ST3GAL6: variants seen among roughly 807,000 people sequenced by gnomAD.
ST3GAL6 encodes type 2 lactosamine alpha-2,3-sialyltransferase.
A neutral mutation model predicts 40.5 loss-of-function variants in ST3GAL6; 31 were observed. The ratio of observed to expected loss-of-function variants is 0.77; its 90% CI spans 0.58 to 1.03. The LOEUF is 1.03. Among genes scored for constraint, ST3GAL6 ranks in the 50% least tolerant of loss-of-function variants. ST3GAL6 has a pLI of 0.00. For synonymous variants in ST3GAL6, 129 were observed against 136.9 expected, an observed-to-expected ratio of 0.94 and a Z score of 0.40; for missense variants, 357 against 393.2, an observed-to-expected ratio of 0.91 and a Z score of 0.78.
In ST3GAL6 at chr3:98,773,973, G is replaced by A. The variant is rs758871538; in HGVS notation, c.325G>A (p.Glu109Lys). 1 of 1,612,730 alleles carries A rather than the reference G, an allele frequency of 6.2e-7. No individual in the cohort carries two copies. Among genetic ancestry groups the A allele is most frequent in the South Asian group, 1.1e-5 (1 of 90,898 alleles). ...ACTGCAGAGTTGTGATCTCTTTGAT[G>A]AGTTTGACAAGTGAGTTTATTTCCT... ...SKLQSCDLFD[E>K]FDNIPCKKCV... The change falls in exon 5 of 10, where the codon GAG (glutamate) becomes AAG (lysine). Residue 109 changes from glutamate to lysine, a missense_variant. Physicochemically the swap from Glu to Lys is moderately conservative, Grantham distance 56. Coordinates refer to ENST00000483910, the MANE Select transcript of ST3GAL6 (RefSeq NM_001323368.2).
At chr3:98,757,071 C>G (rs1937475908) in intron 1 of ST3GAL6, among the ~76,000 whole-genome samples, 1 of 152,098 alleles carries the variant, frequency 6.6e-6, no homozygotes, top group African/African-American at 2.4e-5. Flanking sequence ...ATCCTATGCA[C>G]AGATTTCAGA....
upstream of ST3GAL6, among the ~76,000 whole-genome samples, chr3:98,762,096 G>A (rs908017189): frequency 1.5e-5 from 2 of 133,908 alleles, no homozygotes; most frequent in Non-Finnish European, 3.2e-5. Context: ...GAAAGCACTG[G>A]TGAAAGCACT....
Position 98,766,490 on chromosome 3 carries a change from C to T in ST3GAL6, c.-11-1940C>T, listed in dbSNP as rs112271587. 2.1e-5 allele frequency among the ~76,000 whole-genome samples: 3 copies of T among 139,668 alleles called. No individual in the cohort carries two copies. The East Asian group carries it at 6.6e-4, about 31-fold the overall frequency. 91.6% of individuals were successfully genotyped at this position (139,668 alleles called of 152,430 possible). On this transcript the variant is annotated intron_variant, in intron 1 of 9. Transcript: ENST00000483910. ...AGGCTGGAGTGCAGTGGCGTGATCT[C>T]GGCTCACTGCAACCTCTGCCTCTTG...
intron 1 of ST3GAL6, among the ~76,000 whole-genome samples, chr3:98,741,222 AT>A (rs397968248): frequency 6.8e-4 from 100 of 146,732 alleles, no homozygotes; most frequent in Admixed American, 1.3e-3. Context: ...GAAATCTGAG[AT>A]TTTTTTTTTT....
intron 3 of ST3GAL6, among the ~76,000 whole-genome samples, chr3:98,771,934 A>G (rs1939042585): frequency 6.6e-6 from 1 of 152,134 alleles, no homozygotes; most frequent in South Asian, 2.1e-4. Flanking sequence ...TTTTACCTTT[A>G]CTACTCCAGA....
intron 5 of ST3GAL6, among the ~76,000 whole-genome samples, chr3:98,774,500 C>T (rs1939327192): frequency 6.6e-6 from 1 of 152,146 alleles, no homozygotes. Flanking sequence ...AGTTTTTAGA[C>T]AATTTTGTCA....
chr3:98,740,885 C>A (rs1213094579), intron 1 of ST3GAL6, among the ~76,000 whole-genome samples: 1 of 152,120 alleles, frequency 6.6e-6, no homozygotes, highest in Non-Finnish European at 1.5e-5. Flanking sequence ...TTTCTCAGAT[C>A]TGTTTCCTCT....
chr3:98,754,424 G>A (rs1019536975), intron 1 of ST3GAL6, among the ~76,000 whole-genome samples: 2 of 152,216 alleles, frequency 1.3e-5, no homozygotes, highest in African/African-American at 4.8e-5. Flanking sequence ...AATGAATGAG[G>A]ATTGCTTCTT....
intron 8 of ST3GAL6, among the ~76,000 whole-genome samples, chr3:98,789,649 T>C (rs1390388723): frequency 1.3e-5 from 2 of 152,222 alleles, no homozygotes; most frequent in Non-Finnish European, 2.9e-5. Flanking sequence ...GGAAGTGGAA[T>C]GCTCAAGTCA....
At chr3:98,763,312 A>G (rs183912135), upstream of ST3GAL6, 3,875 of 1,287,444 alleles carry the variant, frequency 3.0e-3, 102 homozygotes, top group African/African-American at 0.055. Flanking sequence ...TCTGTTGGCC[A>G]TGTTCCACAC....
chr3:98,783,130 A>C (rs1331090762), intron 5 of ST3GAL6: 1 of 192,780 alleles, frequency 5.2e-6, no homozygotes, highest in Non-Finnish European at 1.1e-5. Flanking sequence ...TACTGTGAAG[A>C]GCATGCCCAG....
At chr3:98,765,388 C>G (rs1938215911) in intron 1 of ST3GAL6, among the ~76,000 whole-genome samples, 1 of 152,108 alleles carries the variant, frequency 6.6e-6, no homozygotes, top group African/African-American at 2.4e-5. Flanking sequence ...CCTTATAAAC[C>G]TTCAGTTTTC....
At position 98,795,815 on chromosome 3, in the gene ST3GAL6, A is replaced by G. The variant is rs1448806790; in HGVS notation, c.*2054A>G. 1.3e-5 allele frequency: 2 copies of G among 152,202 alleles called. No homozygotes were observed. The highest frequency in any genetic ancestry group is 3.8e-4 in the East Asian group (2 of 5,198). The allele number at this position is 152,202 out of a possible 1,614,324, so 9.4% of individuals were successfully genotyped here. On this transcript the variant is annotated 3_prime_UTR_variant, in exon 10 of 10. Transcript: ENST00000483910. ...CTGCACTCTGCACATGTACCCTTAG[A>G]ATCTAAAATAAAAGTTGAAATTATT...
chr3:98,754,336 G>A (rs1036820560), intron 1 of ST3GAL6, among the ~76,000 whole-genome samples: 1 of 152,192 alleles, frequency 6.6e-6, no homozygotes, highest in Non-Finnish European at 1.5e-5. Context: ...GCAGATTGAT[G>A]GGAATAGCAA....
intron 1 of ST3GAL6, among the ~76,000 whole-genome samples, chr3:98,767,555 G>A (rs141374799): frequency 6.6e-6 from 1 of 152,348 alleles, no homozygotes; most frequent in East Asian, 1.9e-4. Flanking sequence ...CAGAGAAGCA[G>A]TGTACCTGTT....
At position 98,751,151 on chromosome 3, in the gene ST3GAL6, C is replaced by T. The variant is rs571797892; in HGVS notation, c.-11-17279C>T. On this transcript the variant is annotated intron_variant, in intron 1 of 9. Transcript: ENST00000265261. ...CTGCCTCCCAGGTTCAAGGAATTCT[C>T]CCTGCCTCAGCCTCCCGAGTAGTTG... Among the ~76,000 whole-genome samples the T allele has an allele frequency of 2.6e-4, 40 of 151,848 alleles. No homozygotes were observed. The East Asian group carries it at 7.4e-3, about 28-fold the overall frequency.
intron 5 of ST3GAL6, chr3:98,782,924 T>TGAC: frequency 9.1e-6 from 2 of 219,310 alleles, no homozygotes; most frequent in South Asian, 2.6e-5. Flanking sequence ...GTTACTCAGC[T>TGAC]CAGTCTATTA....
intron 1 of ST3GAL6, 133 bp from the exon 2 acceptor site, chr3:98,768,297 A>G (rs1261370192): frequency 4.3e-6 from 3 of 703,410 alleles, no homozygotes; most frequent in Non-Finnish European, 7.6e-6. Flanking sequence ...TTCCAAAATT[A>G]CATGCCCACA....
At chr3:98,763,063 G>A (rs1399906336), upstream of ST3GAL6, 2 of 985,276 alleles carry the variant, frequency 2.0e-6, no homozygotes, top group East Asian at 1.1e-4. Context: ...GAGGACTGAG[G>A]CCTTTCCATT....
Sources: allele counts gnomAD v4.1 joint callset (sites outside exome capture counted in the v4.1 genomes callset), GRCh38; gene constraint gnomAD v4.1.1; transcripts MANE v1.5; gene names NCBI Gene and HGNC (gene_info 2026-07-23, HGNC 2026-07-21).